The following NAALADL2 variants were observed in gnomAD, a reference collection of about 807,000 sequenced individuals.
NAALADL2 encodes the protein inactive N-acetylated-alpha-linked acidic dipeptidase-like protein 2.
Under a neutral mutation model 87.2 loss-of-function variants are expected in NAALADL2, and 76 were observed. The ratio of observed to expected loss-of-function variants is 0.87; its 90% CI spans 0.72 to 1.05. The LOEUF (loss-of-function observed/expected upper bound fraction) is 1.05, where lower values mean the gene tolerates loss of function less well. Ranked by LOEUF, NAALADL2 falls within the 50% of genes least tolerant of loss-of-function variation. The probability of loss-of-function intolerance (pLI) is 0.00; values close to 1 mark genes in which losing one functional copy is unlikely to be tolerated. For missense variants in NAALADL2, 1,089 were observed against 945.8 expected, an observed-to-expected ratio of 1.15 and a Z score of -1.99; for synonymous variants, 354 against 331.0, an observed-to-expected ratio of 1.07 and a Z score of -0.75.
At chr3:175,606,053 T>C (rs920838908) in intron 10 of NAALADL2, among the ~76,000 whole-genome samples, 2 of 152,186 alleles carry the variant, frequency 1.3e-5, no homozygotes, top group Admixed American at 6.5e-5. Flanking sequence ...GCAACTGTTC[T>C]TTACATCACT....
At chr3:175,748,193 A>T (rs947070827) in intron 12 of NAALADL2, among the ~76,000 whole-genome samples, 1 of 152,222 alleles carries the variant, frequency 6.6e-6, no homozygotes, top group African/African-American at 2.4e-5. Context: ...GAGTATCAAT[A>T]GCGCAATCGC....
intron 1 of NAALADL2, among the ~76,000 whole-genome samples, chr3:174,449,822 G>A (rs548976520): frequency 7.2e-4 from 109 of 151,884 alleles, no homozygotes; most frequent in African/African-American, 2.5e-3. Context: ...TTCTTTTTAG[G>A]TTACCTGAAT....
At chr3:175,227,135 A>G (rs1256713502) in intron 2 of NAALADL2, among the ~76,000 whole-genome samples, 1 of 152,040 alleles carries the variant, frequency 6.6e-6, no homozygotes, top group Non-Finnish European at 1.5e-5. Flanking sequence ...CTTCTAGTTC[A>G]TCGTTCTTTA....
chr3:175,279,572 T>C (rs1754007230), intron 4 of NAALADL2, among the ~76,000 whole-genome samples: 1 of 152,070 alleles, frequency 6.6e-6, no homozygotes, highest in Non-Finnish European at 1.5e-5. Flanking sequence ...AAATCATATG[T>C]TATGTCTCTT....
intron 5 of NAALADL2, among the ~76,000 whole-genome samples, chr3:175,345,431 A>G (rs1382054504): frequency 6.6e-6 from 1 of 152,124 alleles, no homozygotes; most frequent in Non-Finnish European, 1.5e-5. Context: ...AATATCATCC[A>G]TACAATATTG....
At chr3:175,576,347 G>A (rs1337673421) in intron 10 of NAALADL2, among the ~76,000 whole-genome samples, 160 bp downstream of exon 10, 2 of 152,176 alleles carry the variant, frequency 1.3e-5, no homozygotes, top group East Asian at 1.9e-4. Context: ...CTTTGTAATA[G>A]TATTTGAAAA....
intron 1 of NAALADL2, among the ~76,000 whole-genome samples, chr3:174,534,264 G>A (rs1195823493): frequency 1.3e-5 from 2 of 151,982 alleles, no homozygotes; most frequent in African/African-American, 4.8e-5. Flanking sequence ...TTACCAGATG[G>A]TTTAATTCAT....
At chr3:174,830,876 A>AG (rs1722597518) in intron 3 of NAALADL2, among the ~76,000 whole-genome samples, 1 of 151,704 alleles carries the variant, frequency 6.6e-6, no homozygotes, top group Admixed American at 6.6e-5. Flanking sequence ...GCAATTGTGA[A>AG]TGGGAGTTCA....
At chr3:174,495,338 G>C (rs999379140) in intron 1 of NAALADL2, among the ~76,000 whole-genome samples, 3 of 150,724 alleles carry the variant, frequency 2.0e-5, no homozygotes, top group Non-Finnish European at 4.4e-5. Context: ...TTCCTCATTT[G>C]GGAATGATTT....
At chr3:175,575,137 T>G (rs1320185792) in intron 9 of NAALADL2, among the ~76,000 whole-genome samples, 1 of 152,216 alleles carries the variant, frequency 6.6e-6, no homozygotes, top group Non-Finnish European at 1.5e-5. Flanking sequence ...CTATATCATC[T>G]TATATTCCCC....
intron 2 of NAALADL2, among the ~76,000 whole-genome samples, chr3:174,605,762 G>A (rs1718976077): frequency 1.3e-5 from 2 of 152,144 alleles, no homozygotes; most frequent in Non-Finnish European, 2.9e-5. Context: ...AAAAAGGACA[G>A]CAGTAACCTC....
intron 1 of NAALADL2, among the ~76,000 whole-genome samples, chr3:174,548,133 A>G (rs1427651232): frequency 6.6e-6 from 1 of 152,222 alleles, no homozygotes; most frequent in Non-Finnish European, 1.5e-5. Context: ...TGTTAAAACC[A>G]CATTTAGTTC....
intron 1 of NAALADL2, among the ~76,000 whole-genome samples, chr3:175,033,433 C>T (rs73034432): frequency 0.013 from 1,968 of 152,146 alleles, 15 homozygotes; most frequent in Non-Finnish European, 0.017. Context: ...CTGTCACTCA[C>T]CTGGAAAGGC....
Position 175,605,644 on chromosome 3 carries a change from T to TTTTTGTTTTG in NAALADL2, c.1801-21643_1801-21642insGTTTTGTTTT, listed in dbSNP as rs1553931382. On this transcript the variant is annotated intron_variant, in intron 10 of 13. Transcript: ENST00000454872. ...ACACCTAGATGTATATTGCTTGTTT[T>TTTTTGTTTTG]TTTTTTTTTTTTAACTGTATTTAGA... Among the ~76,000 whole-genome samples the TTTTTGTTTTG allele has an allele frequency of 5.1e-3, 675 of 133,032 alleles. 7 individuals are homozygous for TTTTTGTTTTG. Among genetic ancestry groups the TTTTTGTTTTG allele is most frequent in the Non-Finnish European group, 7.8e-3 (489 of 63,010 alleles). The allele number at this position is 133,032 out of a possible 152,430, so 87.3% of individuals were successfully genotyped here.
intron 1 of NAALADL2, among the ~76,000 whole-genome samples, chr3:175,017,011 A>T (rs1750910448): frequency 6.7e-6 from 1 of 150,064 alleles, no homozygotes; most frequent in African/African-American, 2.5e-5. Flanking sequence ...ACTACGTCTC[A>T]TTTCTTCCAT....
chr3:174,670,421 A>G (rs762537564), intron 2 of NAALADL2, among the ~76,000 whole-genome samples: 4 of 151,958 alleles, frequency 2.6e-5, no homozygotes, highest in Non-Finnish European at 5.9e-5. Flanking sequence ...TTCTTTTTCC[A>G]TTGATAAATT....
intron 5 of NAALADL2, among the ~76,000 whole-genome samples, chr3:175,341,778 C>T (rs1762590751): frequency 6.6e-6 from 1 of 152,164 alleles, no homozygotes; most frequent in African/African-American, 2.4e-5. Context: ...ACATTTACAC[C>T]TATGTTTCCT....
chr3:174,688,527 AC>A (rs199614760), intron 2 of NAALADL2, among the ~76,000 whole-genome samples: 1 of 152,042 alleles, frequency 6.6e-6, no homozygotes, highest in Non-Finnish European at 1.5e-5. Flanking sequence ...AGTTCTTATA[AC>A]AGTATCTGGC....
intron 9 of NAALADL2, among the ~76,000 whole-genome samples, chr3:175,494,252 T>G (rs559617430): frequency 6.6e-6 from 1 of 152,254 alleles, no homozygotes; most frequent in Non-Finnish European, 1.5e-5. Context: ...TTCTATAATT[T>G]GTGATGTCTA....
Sources: gnomAD v4.1 joint callset for allele counts (sites outside exome capture counted in the v4.1 genomes callset) on GRCh38, gnomAD v4.1.1 for gene constraint, MANE v1.5 for transcripts, NCBI Gene and HGNC (gene_info 2026-07-23, HGNC 2026-07-21) for gene names.